The following EML6 variants were observed in gnomAD, a reference collection of about 807,000 sequenced individuals.
EML6 encodes EMAP like 6, also known as echinoderm microtubule-associated protein-like 6.
EML6 carries 154 observed loss-of-function variants against 240.1 expected under a neutral mutation model. That is an observed-to-expected ratio of 0.64 (90% CI 0.56 to 0.73). EML6 has a LOEUF of 0.73. Ranked by LOEUF, EML6 falls within the 30% of genes least tolerant of loss-of-function variation. EML6 has a pLI of 0.00. For synonymous variants in EML6, 1,148 were observed against 899.0 expected (o/e 1.28, Z -4.95); for missense variants, 2,964 against 2,474.6 (o/e 1.20, Z -4.20).
At chr2:54,951,622 T>C (rs544107100) in intron 30 of EML6, among the ~76,000 whole-genome samples, 4 of 152,014 alleles carry the variant, frequency 2.6e-5, no homozygotes, top group Non-Finnish European at 5.9e-5. Context: ...AAAAGAACCA[T>C]TCAGAAATTA....
At chr2:54,907,951 AGATAGATAGATAGAT>A (rs1673431181) in intron 24 of EML6, among the ~76,000 whole-genome samples, 1 of 23,588 alleles carries the variant, frequency 4.2e-5, no homozygotes, top group Non-Finnish European at 1.0e-4. Context: ...TAGATAAGAT[AGATAGATAGATAGAT>A]AGATAGATAG....
chr2:54,907,119 G>GA (rs1372534280), intron 24 of EML6, among the ~76,000 whole-genome samples: 2 of 151,984 alleles, frequency 1.3e-5, no homozygotes, highest in African/African-American at 2.4e-5. Context: ...GCTTGAGAAA[G>GA]AAAAAATGTA....
At chr2:54,781,240 T>G (rs886461185) in intron 2 of EML6, among the ~76,000 whole-genome samples, 5 of 152,150 alleles carry the variant, frequency 3.3e-5, no homozygotes, top group Non-Finnish European at 7.4e-5. Context: ...CTGGCATAAG[T>G]GTTGAGAGAC....
intron 25 of EML6, among the ~76,000 whole-genome samples, chr2:54,912,162 A>T (rs978876262): frequency 6.6e-6 from 1 of 152,220 alleles, no homozygotes; most frequent in Non-Finnish European, 1.5e-5. Flanking sequence ...TAAAGGAAGT[A>T]TATGTGTAGT....
Position 54,844,120 on chromosome 2 carries a change from AGTGATT to A in EML6, c.925_930del (p.Ile309_Val310del), listed in dbSNP as rs375179762. On this transcript the variant is annotated inframe_deletion, in exon 8 of 42. Transcript: ENST00000356458. ...GGACCCAGGACAGTGAGATATTTGA[AGTGATT>A]GTGCGAGAGCGAGACAAGCCGATGT... 3.2e-6 allele frequency: 5 copies of A among 1,551,562 alleles called. No individual in the cohort carries two copies. In the East Asian group the frequency reaches 1.2e-4, roughly 38 times the overall value.
chr2:54,894,539 T>A (rs1252508309), intron 19 of EML6, among the ~76,000 whole-genome samples: 1 of 152,174 alleles, frequency 6.6e-6, no homozygotes, highest in Non-Finnish European at 1.5e-5. Flanking sequence ...TTCAATCCAT[T>A]TGGTCAGAGT....
intron 26 of EML6, among the ~76,000 whole-genome samples, chr2:54,926,394 A>C (rs1674548032): frequency 6.6e-6 from 1 of 152,214 alleles, no homozygotes; most frequent in Non-Finnish European, 1.5e-5. Flanking sequence ...GAACCAGTGC[A>C]CCTGGCCATA....
In EML6 at chr2:54,725,873, G is replaced by T. The variant is rs1682886358; in HGVS notation, c.197+615G>T. ...GCATCATTGAGGTTATTAAAGGCTG[G>T]CAGCTGCTGGATCACAAAATCCTAC... On this transcript the variant is annotated intron_variant, in intron 2 of 41. Transcript: ENST00000356458. This position sits in a 1 kb window ranked among gnomAD's most constrained non-coding sequence, Gnocchi z 4.3. Among the ~76,000 whole-genome samples the T allele has an allele frequency of 6.6e-6, 1 of 152,146 alleles. No individual in the cohort carries two copies. Among genetic ancestry groups the T allele is most frequent in the Non-Finnish European group, 1.5e-5 (1 of 68,034 alleles).
chr2:54,956,943 G>C (rs1651869602), intron 32 of EML6, among the ~76,000 whole-genome samples: 1 of 152,116 alleles, frequency 6.6e-6, no homozygotes, highest in African/African-American at 2.4e-5. Flanking sequence ...TAAAAGAATA[G>C]AAGCCAAGAA....
At chr2:54,788,432 G>T (rs377431615) in intron 2 of EML6, among the ~76,000 whole-genome samples, 1 of 152,180 alleles carries the variant, frequency 6.6e-6, no homozygotes, top group Non-Finnish European at 1.5e-5. Flanking sequence ...CTGTGAGAGG[G>T]GCATCTGGTC....
At chr2:54,884,491 A>C (rs1188254368) in intron 17 of EML6, among the ~76,000 whole-genome samples, 1 of 152,180 alleles carries the variant, frequency 6.6e-6, no homozygotes. Flanking sequence ...TGCAAGTCCC[A>C]ATCCTCTACT....
rs74589919 is a variant in EML6, at chr2:54,769,312, G to A, written c.198-43920G>A. ...GTTTCACTTCAATTTATCCATCAGA[G>A]CCAACAATTTGAGTGCTACAGGGAC... On this transcript the variant is annotated intron_variant, in intron 2 of 41. Coordinates refer to ENST00000356458, the MANE Select transcript of EML6 (RefSeq NM_001039753.4). Among the ~76,000 whole-genome samples the A allele has an allele frequency of 1.7e-4, 26 of 152,296 alleles. 1 individual carries two copies. In the East Asian group the frequency reaches 3.5e-3, roughly 20 times the overall value.
At chr2:54,894,132 T>C (rs1364571411) in intron 19 of EML6, among the ~76,000 whole-genome samples, 1 of 152,060 alleles carries the variant, frequency 6.6e-6, no homozygotes, top group Non-Finnish European at 1.5e-5. Flanking sequence ...ATTATTTCTT[T>C]GTAAACTTCA....
intron 17 of EML6, chr2:54,882,917 A>T (rs1270500197): frequency 1.3e-5 from 2 of 149,552 alleles, no homozygotes; most frequent in Non-Finnish European, 3.0e-5. Context: ...TGGCAGGCGT[A>T]TCGAACTTCC....
At chr2:54,826,668 T>A (rs1446611053) in intron 5 of EML6, among the ~76,000 whole-genome samples, 2 of 152,190 alleles carry the variant, frequency 1.3e-5, no homozygotes, top group East Asian at 3.9e-4. Flanking sequence ...AGGAGTGTCC[T>A]TACTGCCTTG....
chr2:54,950,928 A>T, intron 30 of EML6, 149 bp downstream of exon 30: 1 of 863,220 alleles, frequency 1.2e-6, no homozygotes, highest in African/African-American at 1.7e-5. Flanking sequence ...AGGCCTGGTA[A>T]CGCTCAGGTT....
chr2:54,821,898 G>A (rs1196979664), intron 5 of EML6, among the ~76,000 whole-genome samples: 1 of 152,028 alleles, frequency 6.6e-6, no homozygotes, highest in Non-Finnish European at 1.5e-5. Flanking sequence ...GCTCAAATTG[G>A]AGAAAGATTT....
In EML6 at chr2:54,813,218, C is replaced by T. The variant is rs548617389; in HGVS notation, c.198-14C>T. The T allele has an allele frequency of 4.3e-4, 652 of 1,529,192 alleles. No individual in the cohort carries two copies. The highest frequency in any genetic ancestry group is 5.4e-4 in the Non-Finnish European group (612 of 1,135,200). The allele number at this position is 1,529,192 out of a possible 1,614,324, so 94.7% of individuals were successfully genotyped here. On this transcript the variant is annotated splice_polypyrimidine_tract_variant and intron_variant, in intron 2 of 41. Transcript: ENST00000356458. ...TCAGTTGGAAGATGTGAAAAGAAACCTTTTCTCTTTCAGCCTTGCCTTACA... is the reference window on the plus strand; with the variant it reads ...TCAGTTGGAAGATGTGAAAAGAAACTTTTTCTCTTTCAGCCTTGCCTTACA...
rs970346672 is a variant in EML6, at chr2:54,723,797, C to G, written c.-514+20C>G. On this transcript the variant is annotated intron_variant, in intron 1 of 41. Coordinates refer to ENST00000356458, the MANE Select transcript of EML6 (RefSeq NM_001039753.4). ...GCAGAGGTTAGAGGCAGAGAGCGCGCGGATGCTCCGCGGGCGAGGCTGGTT... is the reference window on the plus strand; with the variant it reads ...GCAGAGGTTAGAGGCAGAGAGCGCGGGGATGCTCCGCGGGCGAGGCTGGTT... 1 of 152,442 alleles carries G rather than the reference C, an allele frequency of 6.6e-6. No homozygotes were observed. The highest frequency in any genetic ancestry group is 1.5e-5 in the Non-Finnish European group (1 of 68,208). 9.4% of individuals were successfully genotyped at this position (152,442 alleles called of 1,614,324 possible).
Sources: gnomAD v4.1 joint callset for allele counts (sites outside exome capture counted in the v4.1 genomes callset) on GRCh38, gnomAD v4.1.1 for gene constraint, Gnocchi (gnomAD v3.1) non-coding constraint, MANE v1.5 for transcripts, NCBI Gene and HGNC (gene_info 2026-07-23, HGNC 2026-07-21) for gene names.